DLG5: variants seen among roughly 807,000 people sequenced by gnomAD.
DLG5 encodes disks large homolog 5.
A neutral mutation model predicts 189.8 loss-of-function variants in DLG5; 48 were observed. That is an observed-to-expected ratio of 0.25 (90% CI 0.20 to 0.32). The LOEUF is 0.32. DLG5 is among the 10% of genes least tolerant of loss of function. The pLI, the probability that DLG5 is intolerant of heterozygous loss-of-function variation, is 1.00. For synonymous variants in DLG5, 1,016 were observed against 1,054.1 expected (o/e 0.96, Z 0.70); for missense variants, 2,160 against 2,544.7 (o/e 0.85, Z 3.25).
the DLG5 span, among the ~76,000 whole-genome samples, chr10:77,938,926 C>T: frequency 5.9e-5 from 9 of 152,288 alleles, no homozygotes; most frequent in African/African-American, 1.4e-4. Flanking sequence ...CAGTGGCTCA[C>T]GCCTGTAATC....
the DLG5 span, among the ~76,000 whole-genome samples, chr10:77,940,272 T>G: frequency 6.6e-6 from 1 of 152,184 alleles, no homozygotes; most frequent in Non-Finnish European, 1.5e-5. Context: ...ACAAAGCTTC[T>G]CCACTTCCCT....
intron 1 of DLG5, among the ~76,000 whole-genome samples, chr10:77,885,506 C>G (rs1845410993): frequency 6.6e-6 from 1 of 152,146 alleles, no homozygotes; most frequent in African/African-American, 2.4e-5. Context: ...AACCAAAATC[C>G]ACATCCACGA....
chr10:77,837,875 C>T (rs1475363618), intron 7 of DLG5, among the ~76,000 whole-genome samples: 1 of 152,202 alleles, frequency 6.6e-6, no homozygotes, highest in Non-Finnish European at 1.5e-5. Flanking sequence ...TCACAAGACA[C>T]TTGCCAGACC....
At chr10:77,832,139 C>T (rs1401727770) in intron 9 of DLG5, among the ~76,000 whole-genome samples, 1 of 152,064 alleles carries the variant, frequency 6.6e-6, no homozygotes, top group Admixed American at 6.5e-5. Flanking sequence ...ACCCAGGAAG[C>T]AGAGGTTGCA....
intron 8 of DLG5, among the ~76,000 whole-genome samples, chr10:77,835,409 C>T (rs1034235328): frequency 5.3e-5 from 8 of 152,198 alleles, no homozygotes; most frequent in Non-Finnish European, 7.3e-5. Flanking sequence ...GTGAATACTG[C>T]TGAAAGGACA....
intron 1 of DLG5, among the ~76,000 whole-genome samples, chr10:77,896,612 G>T (rs189321077): frequency 2.6e-5 from 4 of 152,096 alleles, no homozygotes; most frequent in East Asian, 1.9e-4. Flanking sequence ...AGGCCAAGGG[G>T]GGGTGGATCA....
At chr10:77,792,872 G>A in intron 31 of DLG5, 1 of 330,714 alleles carries the variant, frequency 3.0e-6, no homozygotes, top group South Asian at 3.9e-5. Flanking sequence ...GGATTCTGCA[G>A]GAAACGACAA....
Position 77,816,617 on chromosome 10 carries a change from G to C in DLG5, c.3959C>G (p.Thr1320Ser), listed in dbSNP as rs1461432097. The C allele has an allele frequency of 6.2e-7, 1 of 1,614,074 alleles. No individual in the cohort carries two copies. The highest frequency in any genetic ancestry group is 1.3e-5 in the African/African-American group (1 of 74,934). ...GATTCTGGGCAATGTGGAGGCTGAG[G>C]TCTGGGACTGGCTACAAGAGGACAG... is the stretch of plus-strand genomic sequence containing the variant. ...DTLSSCSQSQTSASTLPRIAV... is the reference protein window; with the variant it reads ...DTLSSCSQSQSSASTLPRIAV... Residue 1320 changes from threonine (T) to serine (S), a missense_variant, in exon 20 of 32, where the codon ACC (threonine) becomes AGC (serine). Thr to Ser is a moderately conservative substitution (Grantham distance 58). Transcript: ENST00000372391.
intron 27 of DLG5, among the ~76,000 whole-genome samples, chr10:77,800,852 G>A (rs893352265): frequency 2.0e-5 from 3 of 152,210 alleles, no homozygotes; most frequent in Non-Finnish European, 4.4e-5. Context: ...GCTCCCTAGG[G>A]AAGAGCGGCC....
chr10:77,902,871 A>T (rs1369152339), intron 1 of DLG5, among the ~76,000 whole-genome samples: 4 of 72,334 alleles, frequency 5.5e-5, no homozygotes, highest in African/African-American at 4.5e-4. Context: ...AAAAATAAAT[A>T]AAAAAATAAA....
chr10:77,852,745 TAA>T (rs2154576653), intron 5 of DLG5, among the ~76,000 whole-genome samples: 1 of 152,182 alleles, frequency 6.6e-6, no homozygotes, highest in African/African-American at 2.4e-5. Context: ...GTTACAAAAA[TAA>T]AAGAGGTGGA....
chr10:77,926,426 G>T lies in DLG5; in HGVS notation c.95C>A (p.Ala32Asp). Residue 32 changes from alanine to aspartate, a missense_variant, in exon 1 of 32, where the codon GCC (alanine) becomes GAC (aspartate). Coordinates refer to ENST00000372391, the MANE Select transcript of DLG5 (RefSeq NM_004747.4). The surrounding 1 kb of genome is among the most constrained non-coding windows in gnomAD (Gnocchi z 5.2). ...CTCGCCGGGACTGAGCGCTCCCGCG[G>T]CCTCGAGCAGCCCGAGCACGGCTTC... ...EVEAVLGLLE[A>D]AGALSPGERR... is the part of the protein sequence containing the mutation. 6.4e-7 allele frequency: 1 copy of T among 1,571,988 alleles called. No homozygotes were observed. Among genetic ancestry groups the T allele is most frequent in the Non-Finnish European group, 8.6e-7 (1 of 1,161,702 alleles).
chr10:77,905,840 T>G (rs1846057286), intron 1 of DLG5, among the ~76,000 whole-genome samples: 1 of 152,214 alleles, frequency 6.6e-6, no homozygotes, highest in Non-Finnish European at 1.5e-5. Context: ...CATTCTCTTG[T>G]GTTAATCTGT....
At chr10:77,802,072 G>A (rs1278010639) in intron 27 of DLG5, among the ~76,000 whole-genome samples, 1 of 152,226 alleles carries the variant, frequency 6.6e-6, no homozygotes, top group East Asian at 1.9e-4. Context: ...GCAGCCACCA[G>A]AAGCTGGGAG....
rs968729295 is a variant in DLG5, at chr10:77,805,259, T to C, written c.5164+406A>G. ...TGCTGGGATTAAACGTGTGAGCCAC[T>C]GTGCCTGGCCAAAACATGCCTTTTT... is the stretch of plus-strand genomic sequence containing the variant. On this transcript the variant is annotated intron_variant, in intron 27 of 31. Transcript: ENST00000372391. Among the ~76,000 whole-genome samples the C allele has an allele frequency of 3.9e-5, 6 of 152,358 alleles. 2 individuals are homozygous for C. The highest frequency in any genetic ancestry group is 1.9e-4 in the East Asian group (1 of 5,184).
intron 2 of DLG5, among the ~76,000 whole-genome samples, chr10:77,863,487 C>A (rs1844552834): frequency 6.6e-6 from 1 of 152,136 alleles, no homozygotes; most frequent in Admixed American, 6.5e-5. Flanking sequence ...GAGGACCAAC[C>A]TCCTCTGCTG....
intron 5 of DLG5, among the ~76,000 whole-genome samples, chr10:77,844,733 A>C (rs1843601050): frequency 6.6e-6 from 1 of 152,232 alleles, no homozygotes; most frequent in Non-Finnish European, 1.5e-5. Context: ...AAAAAATAAA[A>C]CAGAATAATG....
chr10:77,928,551 CA>C (rs1846756682), upstream of DLG5: 1 of 152,432 alleles, frequency 6.6e-6, no homozygotes, highest in African/African-American at 2.4e-5. Context: ...TTCTGGCCGC[CA>C]CTTCCCTTAG....
intron 9 of DLG5, among the ~76,000 whole-genome samples, chr10:77,832,835 T>C (rs1199628236): frequency 6.6e-6 from 1 of 152,214 alleles, no homozygotes; most frequent in Non-Finnish European, 1.5e-5. Flanking sequence ...AGACCCAAGA[T>C]GGTTCCTGTG....
Sources: allele counts gnomAD v4.1 joint callset (sites outside exome capture counted in the v4.1 genomes callset), GRCh38; gene constraint gnomAD v4.1.1; non-coding constraint Gnocchi (gnomAD v3.1); transcripts MANE v1.5; gene names NCBI Gene and HGNC (gene_info 2026-07-23, HGNC 2026-07-21).